DPEP1: variants seen among roughly 807,000 people sequenced by gnomAD.
DPEP1 encodes the protein beta-lactamase.
DPEP1 carries 50 observed loss-of-function variants against 42.3 expected under a neutral mutation model. That is an observed-to-expected ratio of 1.18 (90% confidence interval 0.94 to 1.50). DPEP1 has a LOEUF of 1.50. DPEP1 is among the 40% of genes most tolerant of loss of function. The pLI is 0.00. For synonymous variants in DPEP1, 297 were observed against 234.0 expected, an observed-to-expected ratio of 1.27 and a Z score of -2.46; for missense variants, 663 against 553.0, an observed-to-expected ratio of 1.20 and a Z score of -1.99.
downstream of DPEP1, among the ~76,000 whole-genome samples, chr16:89,641,143 G>A (rs995126984): frequency 2.0e-5 from 3 of 152,234 alleles, no homozygotes; most frequent in Non-Finnish European, 4.4e-5. Flanking sequence ...CGTACTGGGT[G>A]GAACATGAAG....
At chr16:89,630,191 C>G in intron 1 of DPEP1, 114 bp from the exon 2 acceptor site, 1 of 410,524 alleles carries the variant, frequency 2.4e-6, no homozygotes, top group Non-Finnish European at 4.4e-6. Context: ...GCCTTCCATC[C>G]TACCCACCCT....
chr16:89,617,787 G>GCCGGGCGCGGTGGCTCACACCTGTAA (rs2059396434), intron 1 of DPEP1, among the ~76,000 whole-genome samples: 2 of 151,962 alleles, frequency 1.3e-5, no homozygotes, highest in Non-Finnish European at 2.9e-5. Context: ...GCTGTGGGAG[G>GCCGGGCGCGGTGGCTCACACCTGTAA]CCAAGACGGG....
intron 2 of DPEP1, among the ~76,000 whole-genome samples, chr16:89,631,017 CAG>C (rs2059581025): frequency 6.6e-6 from 1 of 152,100 alleles, no homozygotes; most frequent in Non-Finnish European, 1.5e-5. Context: ...TCCCGAAGCT[CAG>C]AGTGAGGTCT....
chr16:89,615,086 C>T (rs1567977652), intron 1 of DPEP1, among the ~76,000 whole-genome samples: 1 of 152,198 alleles, frequency 6.6e-6, no homozygotes, highest in Admixed American at 6.5e-5. Context: ...CATCTAGGGC[C>T]TCCAAACGTG....
rs760712243 is a variant in DPEP1 at position 89,635,951 on chromosome 16, C to T, written c.148C>T (p.Arg50Trp). Residue 50 changes from arginine to tryptophan, a missense_variant, in exon 3 of 11, where the codon CGG (arginine) becomes TGG (tryptophan). Physicochemically the swap from Arg to Trp is moderately radical, Grantham distance 101. Transcript: ENST00000690203. ...PWQLLDMFNN[R>W]LQDERANLTT... ...GCAGCTGCTGGATATGTTCAACAAC[C>T]GGCTGCAGGACGAGAGGGCCAACCT... 29 of 1,611,670 alleles carry T rather than the reference C, an allele frequency of 1.8e-5. No homozygotes were observed. The Admixed American group carries it at 2.0e-4, about 11-fold the overall frequency.
intron 1 of DPEP1, among the ~76,000 whole-genome samples, chr16:89,614,369 C>T (rs988123990): frequency 4.6e-5 from 7 of 152,156 alleles, no homozygotes; most frequent in Admixed American, 1.3e-4. Flanking sequence ...GTGTGAGGAG[C>T]GCCGAGTCCC....
In DPEP1 at chr16:89,637,334, T is replaced by C. The variant is rs1361087553; in HGVS notation, c.722T>C (p.Val241Ala). The change falls in exon 7 of 11, where the codon GTG becomes GCG. Residue 241 changes from valine to alanine, a missense_variant. By Grantham distance (64) the Val-to-Ala change is moderately conservative. Coordinates refer to ENST00000690203, the MANE Select transcript of DPEP1 (RefSeq NM_001389466.1). ...TTCAGCCACTCCTCGGCCTACAGCG[T>C]GTGCGCAAGCCGGCGCAACGTGCCT... ...VIFSHSSAYSVCASRRNVPDD... is the reference protein window; with the variant it reads ...VIFSHSSAYSACASRRNVPDD... The C allele has an allele frequency of 3.1e-6, 5 of 1,612,398 alleles. No individual in the cohort carries two copies. Among genetic ancestry groups the C allele is most frequent in the Non-Finnish European group, 3.4e-6 (4 of 1,179,956 alleles).
At chr16:89,636,143 C>G in intron 3 of DPEP1, 103 bp downstream of exon 3, 1 of 1,546,170 alleles carries the variant, frequency 6.5e-7, no homozygotes, top group Non-Finnish European at 8.7e-7. Flanking sequence ...CCTCCAGGGT[C>G]CCTCGGTGCC....
rs199671692 is a variant in DPEP1, at chr16:89,618,921, T to TC, written c.-107+5205dup. Among the ~76,000 whole-genome samples the TC allele has an allele frequency of 5.1e-3, 659 of 128,458 alleles. 100 individuals carry two copies. In the East Asian group the frequency reaches 0.21, roughly 40 times the overall value. The allele number at this position is 128,458 out of a possible 152,430, so 84.3% of individuals were successfully genotyped here. On this transcript the variant is annotated intron_variant, in intron 1 of 10. Coordinates refer to ENST00000690203, the MANE Select transcript of DPEP1 (RefSeq NM_001389466.1). ...GCTTCCGGAGGGTTGCCCTCCCTGC[T>TC]CCCTCCCTGCAGCTCCCTGCCCCCC...
intron 1 of DPEP1, among the ~76,000 whole-genome samples, chr16:89,620,284 T>TG (rs947360968): frequency 6.8e-4 from 103 of 151,864 alleles, no homozygotes; most frequent in Middle Eastern, 3.4e-3. Flanking sequence ...GGTCTGCCAG[T>TG]GGGGGGGACA....
chr16:89,633,616 A>T (rs1242328192), intron 2 of DPEP1, among the ~76,000 whole-genome samples: 1 of 152,236 alleles, frequency 6.6e-6, no homozygotes, highest in African/African-American at 2.4e-5. Context: ...CCTCCAAGGA[A>T]AGCACCAAGA....
At chr16:89,615,578 C>T (rs762594525) in intron 1 of DPEP1, among the ~76,000 whole-genome samples, 3 of 152,218 alleles carry the variant, frequency 2.0e-5, no homozygotes, top group Non-Finnish European at 4.4e-5. Context: ...CTCCGAGCAC[C>T]TGCTCAGCCT....
rs752825936 is a variant in DPEP1, at chr16:89,636,386, C to A, written c.360C>A (p.Thr120=). 1.2e-6 allele frequency: 2 copies of A among 1,611,680 alleles called. No homozygotes were observed. The highest frequency in any genetic ancestry group is 2.7e-5 in the African/African-American group (2 of 74,908). Residue 120 remains threonine (T), a synonymous_variant, in exon 4 of 11, where the codon ACC becomes ACA. Coordinates refer to ENST00000690203, the MANE Select transcript of DPEP1 (RefSeq NM_001389466.1). ...RMYPETFLYV[T]SSAGIRQAFR... ...ACCCGGAGACCTTCCTGTATGTCAC[C>A]AGCAGTGCAGGTGGGGTCCTGACCT...
intron 1 of DPEP1, chr16:89,620,562 CAT>C (rs757933054): frequency 6.6e-5 from 10 of 152,286 alleles, no homozygotes; most frequent in South Asian, 2.1e-4. Flanking sequence ...AACCAGCTGA[CAT>C]GTGTGAGGCT....
downstream of DPEP1, among the ~76,000 whole-genome samples, chr16:89,641,432 C>T (rs2059741942): frequency 6.6e-6 from 1 of 152,226 alleles, no homozygotes; most frequent in Non-Finnish European, 1.5e-5. Context: ...GGTCGCTTCT[C>T]ACGGTGCCCC....
intron 2 of DPEP1, among the ~76,000 whole-genome samples, chr16:89,633,795 G>GAGGGAGCTGTCCTCCAA (rs1310379948): frequency 1.3e-5 from 2 of 151,338 alleles, no homozygotes; most frequent in Non-Finnish European, 3.0e-5. Context: ...CTGAGGCACA[G>GAGGGAGCTGTCCTCCAA]GGATGGGTCT....
intron 1 of DPEP1, among the ~76,000 whole-genome samples, chr16:89,621,019 G>A (rs905911406): frequency 1.3e-5 from 2 of 152,080 alleles, no homozygotes; most frequent in South Asian, 2.1e-4. Context: ...GCCTCAGCTC[G>A]TGCCATCACG....
chr16:89,637,248 G>A lies in DPEP1; in HGVS notation c.636G>A (p.Leu212=), dbSNP rs772867746. The change falls in exon 7 of 11, where the codon TTG becomes TTA. Residue 212 remains leucine (L), a synonymous_variant. Transcript: ENST00000690203. Reference sequence around the variant, plus strand: ...ACCGTCTGGGGGTCCTCATCGACTTGGCTCACGTGTCTGTGGCCACCATGA... The same window carrying A: ...ACCGTCTGGGGGTCCTCATCGACTTAGCTCACGTGTCTGTGGCCACCATGA... ...ELNRLGVLID[L]AHVSVATMKA... is the part of the protein sequence containing the mutation. The A allele has an allele frequency of 6.2e-7, 1 of 1,612,752 alleles. No homozygotes were observed. The highest frequency in any genetic ancestry group is 1.7e-5 in the Admixed American group (1 of 60,022).
Position 89,630,458 on chromosome 16 carries a change from A to T in DPEP1, c.48A>T (p.Ala16=), listed in dbSNP as rs752926436. ...WLWPLVAVCT[A]DFFRDEAERI... is the part of the protein sequence containing the mutation. ...GGCCCCTTGTGGCCGTCTGCACTGC[A>T]GACTTCTTTCGGGACGAGGCAGAGA... Residue 16 remains alanine, a synonymous_variant, in exon 2 of 11, where the codon GCA becomes GCT. Coordinates refer to ENST00000690203, the MANE Select transcript of DPEP1 (RefSeq NM_001389466.1). 1.2e-6 allele frequency: 2 copies of T among 1,610,914 alleles called. No individual in the cohort carries two copies. Among genetic ancestry groups the T allele is most frequent in the Non-Finnish European group, 1.7e-6 (2 of 1,178,996 alleles).
Sources: gnomAD v4.1 joint callset for allele counts (sites outside exome capture counted in the v4.1 genomes callset) on GRCh38, gnomAD v4.1.1 for gene constraint, MANE v1.5 for transcripts, NCBI Gene and HGNC (gene_info 2026-07-23, HGNC 2026-07-21) for gene names.